Variants in VPS9D1 observed in about 807,000 individuals in gnomAD.
The protein encoded by VPS9D1 is VPS9 domain-containing protein 1.
Under a neutral mutation model 75.8 loss-of-function variants are expected in VPS9D1, and 78 were observed. That is an observed-to-expected ratio of 1.03 (90% CI 0.86 to 1.24). The LOEUF is 1.24. Among genes scored for constraint, VPS9D1 ranks in the 50% most tolerant of loss-of-function variants. The pLI is 0.00. For synonymous variants in VPS9D1, 481 were observed against 385.6 expected (o/e 1.25, Z -2.90); for missense variants, 1,057 against 847.7 (o/e 1.25, Z -3.07).
chr16:89,720,638 G>T, intron 1 of VPS9D1, 125 bp downstream of exon 1: 1 of 1,229,234 alleles, frequency 8.1e-7, no homozygotes. Flanking sequence ...ACCGCGGCCC[G>T]GGATCCCGGC....
At chr16:89,711,045 C>T (rs2060905543) in intron 9 of VPS9D1, 35 bp from the exon 10 acceptor site, 1 of 1,432,842 alleles carries the variant, frequency 7.0e-7, no homozygotes, top group South Asian at 1.5e-5. Flanking sequence ...CGCGGCCAGC[C>T]TCGGCCTCTC....
chr16:89,709,479 C>T (rs768352222), intron 11 of VPS9D1, 44 bp from the exon 12 acceptor site: 2 of 1,483,680 alleles, frequency 1.3e-6, no homozygotes, highest in African/African-American at 2.8e-5. Context: ...AGGGACCTTG[C>T]CCTGGGGACA....
chr16:89,710,405 G>A (rs1366461655), intron 10 of VPS9D1, among the ~76,000 whole-genome samples, 181 bp downstream of exon 10: 1 of 152,168 alleles, frequency 6.6e-6, no homozygotes, highest in East Asian at 1.9e-4. Flanking sequence ...GACCAACATG[G>A]TGAAACTCCG....
chr16:89,712,732 G>A lies in VPS9D1; in HGVS notation c.432-16C>T, dbSNP rs760592220. The stretch of plus-strand genomic sequence containing the variant: ...CGTCAGCTCTCTGGAAATGTGACAA[G>A]CTGCTGTCTAGACCCCAGGAAGCCC... On this transcript the variant is annotated splice_polypyrimidine_tract_variant and intron_variant, in intron 4 of 14. Transcript: ENST00000389386. The A allele has an allele frequency of 9.4e-6, 12 of 1,274,560 alleles. No homozygotes were observed. In the Admixed American group the frequency reaches 1.5e-4, roughly 16 times the overall value. 79.0% of individuals were successfully genotyped at this position (1,274,560 alleles called of 1,614,324 possible).
chr16:89,714,053 C>T (rs1298529584), intron 4 of VPS9D1, among the ~76,000 whole-genome samples: 1 of 152,110 alleles, frequency 6.6e-6, no homozygotes, highest in African/African-American at 2.4e-5. Context: ...TCTCCTGCCT[C>T]AGCCTCCCGA....
chr16:89,708,778 A>G, intron 13 of VPS9D1, 79 bp downstream of exon 13: 12 of 1,387,244 alleles, frequency 8.7e-6, no homozygotes, highest in Non-Finnish European at 9.7e-6. Flanking sequence ...GCTAAGGGGC[A>G]GGAAGATAGT....
In VPS9D1 at chr16:89,710,807, G is replaced by T; in HGVS notation, c.1037C>A (p.Pro346His). 6.5e-7 allele frequency: 1 copy of T among 1,542,712 alleles called. No individual in the cohort carries two copies. The highest frequency in any genetic ancestry group is 2.5e-5 in the East Asian group (1 of 40,744). Reference protein sequence around the residue: ...SPPEPSAAPRPQDSPPTPPLQ... With the variant: ...SPPEPSAAPRHQDSPPTPPLQ... The stretch of plus-strand genomic sequence containing the variant: ...TGGGGGCGTGGGGGGACTGTCCTGG[G>T]GCCGCGGGGCTGCGCTGGGCTCGGG... The change falls in exon 10 of 15, where the codon CCC (proline) becomes CAC (histidine). Residue 346 changes from proline (P) to histidine (H), a missense_variant. Physicochemically the swap from Pro to His is moderately conservative, Grantham distance 77 (BLOSUM62 -2). Coordinates refer to ENST00000389386, the MANE Select transcript of VPS9D1 (RefSeq NM_004913.3).
At chr16:89,720,389 G>T (rs1320494637) in intron 1 of VPS9D1, 1 of 996,988 alleles carries the variant, frequency 1.0e-6, no homozygotes, top group Non-Finnish European at 1.2e-6. Context: ...GTCCCCTGTG[G>T]CAACCGGATT....
intron 2 of VPS9D1, chr16:89,717,840 T>G (rs2061114581): frequency 4.4e-6 from 2 of 456,536 alleles, no homozygotes; most frequent in Non-Finnish European, 8.8e-6. Flanking sequence ...CTGACCTGTG[T>G]GATCCTACGT....
At position 89,710,977 on chromosome 16, in the gene VPS9D1, C is replaced by T; in HGVS notation, c.867G>A (p.Arg289=). Reference sequence around the variant, plus strand: ...CGCTGTACACGGAGCACTGCAGCCGCCTCAGGAGCTGCGCGATCGGGTGGT... The same window carrying T: ...CGCTGTACACGGAGCACTGCAGCCGTCTCAGGAGCTGCGCGATCGGGTGGT... ...LPDHPIAQLL[R]RLQCSVYSAL... Residue 289 remains arginine (R), a synonymous_variant, in exon 10 of 15, where the codon AGG becomes AGA. Transcript: ENST00000389386. 6.9e-7 allele frequency: 1 copy of T among 1,442,604 alleles called. No homozygotes were observed. Among genetic ancestry groups the T allele is most frequent in the Non-Finnish European group, 9.1e-7 (1 of 1,102,650 alleles). The allele number at this position is 1,442,604 out of a possible 1,614,324, so 89.4% of individuals were successfully genotyped here.
chr16:89,712,338 C>A lies in VPS9D1; in HGVS notation c.606+122G>T, dbSNP rs1040145700. The A allele has an allele frequency of 2.8e-6, 4 of 1,437,524 alleles. No homozygotes were observed. In the African/African-American group the frequency reaches 5.7e-5, roughly 21 times the overall value. 89.0% of individuals were successfully genotyped at this position (1,437,524 alleles called of 1,614,324 possible). A position where few individuals can be genotyped will look rare whatever the true frequency, so the allele number is the denominator to read the frequency against. On this transcript the variant is annotated intron_variant, in intron 6 of 14. Transcript: ENST00000389386. Reference sequence around the variant, plus strand: ...GACCCTGCCTCTGCAAAGCGGGGAGCCCCTCGGCCCTGTACCCCGACCCCG... The same window carrying A: ...GACCCTGCCTCTGCAAAGCGGGGAGACCCTCGGCCCTGTACCCCGACCCCG...
rs966048847 is a variant in VPS9D1 at position 89,712,278 on chromosome 16, A to C, written c.607-179T>G. 23 of 1,318,636 alleles carry C rather than the reference A, an allele frequency of 1.7e-5. No homozygotes were observed. In the African/African-American group the frequency reaches 3.0e-4, roughly 17 times the overall value. 81.7% of individuals were successfully genotyped at this position (1,318,636 alleles called of 1,614,324 possible). A position where few individuals can be genotyped will look rare whatever the true frequency, so the allele number is the denominator to read the frequency against. Reference sequence around the variant, plus strand: ...GCTCAAGCCAGGAGGGCCGGGCCAGAGAACATGGGGGACGGCGGCCGGGCC... The same window carrying C: ...GCTCAAGCCAGGAGGGCCGGGCCAGCGAACATGGGGGACGGCGGCCGGGCC... On this transcript the variant is annotated intron_variant, in intron 6 of 14. Transcript: ENST00000389386.
rs1462613797 is a variant in VPS9D1, at chr16:89,708,541, G to A, written c.1698-10C>T. On this transcript the variant is annotated splice_polypyrimidine_tract_variant and intron_variant, in intron 13 of 14. Coordinates refer to ENST00000389386, the MANE Select transcript of VPS9D1 (RefSeq NM_004913.3). ...CAGGTCATCGGCACCACTGTCGGGA[G>A]GGCATAGCGGCCTTGGGTTGGGGCC... 3.1e-6 allele frequency: 5 copies of A among 1,610,654 alleles called. No individual in the cohort carries two copies. The highest frequency in any genetic ancestry group is 4.2e-6 in the Non-Finnish European group (5 of 1,178,902).
intron 2 of VPS9D1, chr16:89,717,959 C>T: frequency 2.3e-6 from 1 of 442,864 alleles, no homozygotes; most frequent in East Asian, 7.3e-5. Flanking sequence ...TCCAGTGGCT[C>T]CCCCGACCTC....
At chr16:89,711,458 G>T (rs779409941) in intron 8 of VPS9D1, 46 bp from the exon 9 acceptor site, 1 of 1,525,388 alleles carries the variant, frequency 6.6e-7, no homozygotes, top group Non-Finnish European at 8.9e-7. Context: ...GGTCCGCCAC[G>T]ACCGGACGCG....
chr16:89,708,276 C>T, intron 14 of VPS9D1, 151 bp downstream of exon 14: 1 of 752,254 alleles, frequency 1.3e-6, no homozygotes, highest in Non-Finnish European at 2.2e-6. Context: ...GCACTCTGCA[C>T]AGGTGGACCC....
intron 4 of VPS9D1, 85 bp from the exon 5 acceptor site, chr16:89,712,801 T>C (rs1387829998): frequency 1.6e-6 from 2 of 1,243,822 alleles, no homozygotes; most frequent in African/African-American, 1.5e-5. Flanking sequence ...TCCTCCCGGA[T>C]TGCTCTGAGG....
intron 2 of VPS9D1, 104 bp downstream of exon 2, chr16:89,718,923 C>G (rs963292108): frequency 2.8e-5 from 27 of 960,642 alleles, no homozygotes; most frequent in Middle Eastern, 2.8e-4. Flanking sequence ...CCATGTTAGC[C>G]AGGATGGTTT....
intron 2 of VPS9D1, chr16:89,717,784 C>T (rs534653422): frequency 2.2e-4 from 99 of 456,706 alleles, no homozygotes; most frequent in East Asian, 1.8e-3. Flanking sequence ...AGAGCTCAGC[C>T]GAGCTCACCG....
Sources: gnomAD v4.1 joint callset for allele counts (sites outside exome capture counted in the v4.1 genomes callset) on GRCh38, gnomAD v4.1.1 for gene constraint, MANE v1.5 for transcripts, NCBI Gene and HGNC (gene_info 2026-07-23, HGNC 2026-07-21) for gene names.